Variants in PABIR3 observed in about 807,000 individuals in gnomAD.
PABIR3 encodes PABIR family member 1.
In PABIR3, 20 loss-of-function variants were observed where a neutral mutation model predicts 23.1. That is an observed-to-expected ratio of 0.86 (90% CI 0.61 to 1.26). The LOEUF (loss-of-function observed/expected upper bound fraction) is 1.26. Among genes scored for constraint, PABIR3 ranks in the 50% most tolerant of loss-of-function variants. The pLI is 0.00. For synonymous variants in PABIR3, 69 were observed against 68.5 expected (o/e 1.01, Z -0.04); for missense variants, 189 against 195.4 (o/e 0.97, Z 0.20).
intron 3 of PABIR3, among the ~76,000 whole-genome samples, chrX:134,825,091 G>T (rs1348995258): frequency 1.8e-5 from 2 of 111,706 alleles, no homozygotes; most frequent in Non-Finnish European, 3.8e-5. Context: ...AGGGGGGTAT[G>T]TGGGAACTCT....
chrX:134,814,861 C>T lies in PABIR3; in HGVS notation c.189+12C>T. ...ATCGACGCTCTCTGGTAAGGAAATG[C>T]TTATAGTGGCCTCCCTGTCTAAGAC... On this transcript the variant is annotated intron_variant, in intron 3 of 10. Transcript: ENST00000645433. 8.8e-7 allele frequency: 1 copy of T among 1,138,333 alleles called. No homozygotes were observed. The highest frequency in any genetic ancestry group is 1.9e-5 in the South Asian group (1 of 51,460). The allele number at this position is 1,138,333 out of a possible 1,213,427, so 93.8% of individuals were successfully genotyped here. A position where few individuals can be genotyped will look rare whatever the true frequency, so the allele number is the denominator to read the frequency against.
rs947111070 is a variant in PABIR3 at position 134,851,031 on chromosome X, G to A, written c.590-1769G>A. On this transcript the variant is annotated intron_variant, in intron 9 of 10. Transcript: ENST00000645433. Reference sequence around the variant, plus strand: ...TTTTGGAATATGCATATTCATTTGGGAAACAACAAACTATGTCCTATTTGG... The same window carrying A: ...TTTTGGAATATGCATATTCATTTGGAAAACAACAAACTATGTCCTATTTGG... 3.6e-5 allele frequency among the ~76,000 whole-genome samples: 4 copies of A among 111,440 alleles called. No homozygotes were observed. In the Admixed American group the frequency reaches 3.9e-4, roughly 11 times the overall value.
At chrX:134,811,338 G>GT (rs1396652524) in intron 2 of PABIR3, among the ~76,000 whole-genome samples, 1 of 109,807 alleles carries the variant, frequency 9.1e-6, no homozygotes, top group Non-Finnish European at 1.9e-5. Context: ...ATTCCTGCCA[G>GT]TGCCTCCCTA....
At chrX:134,817,796 G>T (rs1481325891) in intron 3 of PABIR3, among the ~76,000 whole-genome samples, 2 of 111,001 alleles carry the variant, frequency 1.8e-5, no homozygotes, top group African/African-American at 6.6e-5. Flanking sequence ...CCTAGGGTCA[G>T]TGAGAAGCCA....
intron 4 of PABIR3, among the ~76,000 whole-genome samples, chrX:134,830,355 C>CA (rs1442250007): frequency 0.013 from 831 of 64,732 alleles, 16 homozygotes; most frequent in African/African-American, 0.057. Flanking sequence ...TTTTTTGAGA[C>CA]AGAGTTTCGC....
chrX:134,838,943 G>C (rs2082088948), intron 4 of PABIR3: 1 of 113,033 alleles, frequency 8.8e-6, no homozygotes, highest in Non-Finnish European at 1.8e-5. Context: ...TGATCTGCCA[G>C]CCTCGGCCTC....
intron 2 of PABIR3, chrX:134,809,664 T>G: frequency 1.4e-6 from 1 of 719,882 alleles, no homozygotes; most frequent in Non-Finnish European, 1.6e-6. Flanking sequence ...AGGAAGGGAT[T>G]CAGAGACCAG....
At chrX:134,808,670 G>GT (rs2080410206) in intron 2 of PABIR3, among the ~76,000 whole-genome samples, 1 of 112,124 alleles carries the variant, frequency 8.9e-6, no homozygotes, top group East Asian at 2.8e-4. Context: ...GTAAGCCACC[G>GT]TGCCCGGCCT....
intron 4 of PABIR3, among the ~76,000 whole-genome samples, chrX:134,836,635 C>A (rs1293467639): frequency 1.8e-5 from 2 of 111,077 alleles, no homozygotes; most frequent in Admixed American, 9.7e-5. Flanking sequence ...TGAAGGACAG[C>A]GGTCATATTG....
the PABIR3 span, among the ~76,000 whole-genome samples, chrX:134,860,955 G>C: frequency 8.9e-6 from 1 of 111,888 alleles, no homozygotes; most frequent in African/African-American, 3.2e-5. Context: ...AGTTATTAAC[G>C]GGTACAGAGT....
At chrX:134,860,039 G>T in the PABIR3 span, among the ~76,000 whole-genome samples, 1 of 111,333 alleles carries the variant, frequency 9.0e-6, no homozygotes, top group East Asian at 2.8e-4. Flanking sequence ...GGAAAGGATG[G>T]TACTGAGGCC....
intron 7 of PABIR3, 22 bp downstream of exon 7, chrX:134,847,497 G>C: frequency 9.4e-7 from 1 of 1,058,323 alleles, no homozygotes; most frequent in Non-Finnish European, 1.3e-6. Context: ...GTACCTAAAA[G>C]TCTATGTCTC....
intron 4 of PABIR3, among the ~76,000 whole-genome samples, 174 bp from the exon 5 acceptor site, chrX:134,845,031 T>C (rs2082387607): frequency 8.9e-6 from 1 of 112,371 alleles, no homozygotes; most frequent in South Asian, 3.6e-4. Context: ...TTTGGTGTGA[T>C]AATTTGTGAA....
rs1423077322 is a variant in PABIR3, at chrX:134,814,751, G to A, written c.111-20G>A. ...TTGTAATGGATTTTATATAACACAT[G>A]TTTTTGTTTTTCTTTTTAGTTTTAA... On this transcript the variant is annotated intron_variant, in intron 2 of 10. Transcript: ENST00000645433. The A allele has an allele frequency of 4.6e-6, 5 of 1,076,034 alleles. No homozygotes were observed. Among genetic ancestry groups the A allele is most frequent in the Middle Eastern group, 2.5e-4 (1 of 3,928 alleles). The allele number at this position is 1,076,034 out of a possible 1,213,427, so 88.7% of individuals were successfully genotyped here.
intron 9 of PABIR3, among the ~76,000 whole-genome samples, chrX:134,852,304 G>A (rs987181946): frequency 1.1e-4 from 12 of 110,497 alleles, no homozygotes; most frequent in African/African-American, 3.9e-4. Flanking sequence ...GTGAAACCCC[G>A]TCTCTACTAA....
At chrX:134,796,394 G>C, upstream of PABIR3, 1 of 404,610 alleles carries the variant, frequency 2.5e-6, no homozygotes. Context: ...GAGGGAAGGA[G>C]GATGATGATG....
downstream of PABIR3, among the ~76,000 whole-genome samples, chrX:134,859,697 G>C (rs754819693): frequency 8.9e-6 from 1 of 112,189 alleles, no homozygotes; most frequent in South Asian, 3.7e-4. Flanking sequence ...CAGACTACCA[G>C]TAAAAGAGCT....
At chrX:134,816,477 C>G (rs978199297) in intron 3 of PABIR3, among the ~76,000 whole-genome samples, 1 of 111,523 alleles carries the variant, frequency 9.0e-6, no homozygotes, top group Admixed American at 9.5e-5. Flanking sequence ...CCCGCCACCA[C>G]GCCCAGCTAA....
chrX:134,816,658 A>G (rs2080997258), intron 3 of PABIR3, among the ~76,000 whole-genome samples: 1 of 111,464 alleles, frequency 9.0e-6, no homozygotes, highest in Non-Finnish European at 1.9e-5. Context: ...AGAGTTCAGC[A>G]TTGAAACCAT....
Sources: allele counts gnomAD v4.1 joint callset (sites outside exome capture counted in the v4.1 genomes callset), GRCh38; gene constraint gnomAD v4.1.1; transcripts MANE v1.5; gene names NCBI Gene and HGNC (gene_info 2026-07-23, HGNC 2026-07-21).